DAB2IP: variants seen among roughly 807,000 people sequenced by gnomAD.
The protein encoded by DAB2IP is disabled homolog 2-interacting protein.
A neutral mutation model predicts 107.2 loss-of-function variants in DAB2IP; 28 were observed. The observed-to-expected ratio is 0.26, with a 90% CI of 0.19 to 0.36. The LOEUF is 0.36. Among genes scored for constraint, DAB2IP ranks in the 10% least tolerant of loss-of-function variants. The pLI, the probability that DAB2IP is intolerant of heterozygous loss-of-function variation, is 1.00. For missense variants in DAB2IP, 1,400 were observed against 1,644.7 expected (o/e 0.85, Z 2.57); for synonymous variants, 755 against 706.4 (o/e 1.07, Z -1.09).
At chr9:121,678,696 C>T (rs371024306) in exon 2 of DAB2IP, 34 of 1,578,196 alleles carry the variant, frequency 2.2e-5, no homozygotes, top group Middle Eastern at 3.3e-4. Context: ...CAAGAAAGGC[C>T]GGGCTCTCGG....
At chr9:121,758,105 C>T (rs1268551956) in intron 4 of DAB2IP, among the ~76,000 whole-genome samples, 1 of 152,216 alleles carries the variant, frequency 6.6e-6, no homozygotes, top group Non-Finnish European at 1.5e-5. Context: ...TGCTGGTTCA[C>T]AGCAGGGGGT....
rs1250356528 is a variant in DAB2IP, at chr9:121,610,060, G to A, written c.40+42832G>A. On this transcript the variant is annotated intron_variant, in intron 1 of 16. Coordinates refer to the DAB2IP transcript ENST00000259371. ...CTGAGCTACTTGATTTTGTGTATGT[G>A]TGTGTGTGTGTGTGTGTGTATAAGA... 4.7e-5 allele frequency among the ~76,000 whole-genome samples: 7 copies of A among 148,536 alleles called. No individual in the cohort carries two copies. The East Asian group carries it at 1.4e-3, about 29-fold the overall frequency.
Position 121,567,115 on chromosome 9 carries a change from A to G in DAB2IP, c.-74A>G, listed in dbSNP as rs1829820199. The G allele has an allele frequency of 3.8e-6, 6 of 1,594,930 alleles. No homozygotes were observed. The Admixed American group carries it at 1.0e-4, about 28-fold the overall frequency. ...AAGCCGCCAGATGGAATACAAAAGG[A>G]GGAACCCAGACGCTCATGGAGACAG... On this transcript the variant is annotated 5_prime_UTR_variant, in exon 1 of 17. Transcript: ENST00000259371.
rs758625862 is a variant in DAB2IP, at chr9:121,758,989, C to T, written c.608C>T (p.Pro203Leu). The T allele has an allele frequency of 3.9e-5, 63 of 1,611,882 alleles. No individual in the cohort carries two copies. The highest frequency in any genetic ancestry group is 5.2e-5 in the Non-Finnish European group (61 of 1,179,456). Reference sequence around the variant, plus strand: ...GAGAACCTCCGGCGAGCGGTGCATCCCAACAAGGTAAGCCTGCGCCCCTCT... The same window carrying T: ...GAGAACCTCCGGCGAGCGGTGCATCTCAACAAGGTAAGCCTGCGCCCCTCT... The change falls in exon 5 of 16, where the codon CCC becomes CTC. Residue 203 changes from proline (P) to leucine (L), a missense_variant. This residue lies in a region of DAB2IP where 517 missense variants were observed against 748.6 expected (regional missense o/e 0.69). Transcript: ENST00000408936.
rs893664115 is a variant in DAB2IP, at chr9:121,774,160, T to C, written c.2968-100T>C. Reference sequence around the variant, plus strand: ...CTGGAGGTCCCCTCTTCCCACCGTGTCCCAGAGTTGCTTGTCCTTGTGGCT... The same window carrying C: ...CTGGAGGTCCCCTCTTCCCACCGTGCCCCAGAGTTGCTTGTCCTTGTGGCT... On this transcript the variant is annotated intron_variant, in intron 12 of 15. Coordinates refer to ENST00000408936, the Ensembl canonical transcript of DAB2IP. The C allele has an allele frequency of 5.3e-6, 7 of 1,326,472 alleles. No individual in the cohort carries two copies. The African/African-American group carries it at 1.1e-4, about 20-fold the overall frequency. The allele number at this position is 1,326,472 out of a possible 1,614,324, so 82.2% of individuals were successfully genotyped here. A position where few individuals can be genotyped will look rare whatever the true frequency, so the allele number is the denominator to read the frequency against.
intron 1 of DAB2IP, among the ~76,000 whole-genome samples, chr9:121,578,187 G>T (rs1830108396): frequency 6.6e-6 from 1 of 152,054 alleles, no homozygotes. Flanking sequence ...CAGCAGGGAG[G>T]GGATGGGTAG....
chr9:121,726,242 A>G (rs1743231615), intron 3 of DAB2IP, among the ~76,000 whole-genome samples: 2 of 152,228 alleles, frequency 1.3e-5, no homozygotes, highest in African/African-American at 4.8e-5. Flanking sequence ...AAGCTTTTAT[A>G]AAAACCCAAA....
chr9:121,698,953 C>T lies in DAB2IP; in HGVS notation c.229-372C>T, dbSNP rs1196532257. Among the ~76,000 whole-genome samples the T allele has an allele frequency of 6.6e-6, 1 of 151,770 alleles. No individual in the cohort carries two copies. Among genetic ancestry groups the T allele is most frequent in the Non-Finnish European group, 1.5e-5 (1 of 67,834 alleles). On this transcript the variant is annotated intron_variant, in intron 2 of 15. Coordinates refer to ENST00000408936, the Ensembl canonical transcript of DAB2IP. This position sits in a 1 kb window ranked among gnomAD's most constrained non-coding sequence, Gnocchi z 4.1. ...CGGGGCGGCCGGCCCTGGCGGTCCCCGGGGGTCTCCGCCCCTCCGCAGCCC... is the reference window on the plus strand; with the variant it reads ...CGGGGCGGCCGGCCCTGGCGGTCCCTGGGGGTCTCCGCCCCTCCGCAGCCC...
At chr9:121,692,127 G>A (rs946646917) in intron 2 of DAB2IP, among the ~76,000 whole-genome samples, 1 of 152,230 alleles carries the variant, frequency 6.6e-6, no homozygotes, top group Non-Finnish European at 1.5e-5. Context: ...TCCTGGTTGT[G>A]AATGTGAGCA....
In DAB2IP at chr9:121,634,265, T is replaced by C. The variant is rs1485869741; in HGVS notation, c.41-44413T>C. ...TGACAACATGGGAATCCTGTGCTTT[T>C]AAGACAGGAGTAGGGCCAGAAAGAG... On this transcript the variant is annotated intron_variant, in intron 1 of 16. Transcript: ENST00000259371. The surrounding 1 kb of genome is among the most constrained non-coding windows in gnomAD (Gnocchi z 4.7). 1.3e-5 allele frequency among the ~76,000 whole-genome samples: 2 copies of C among 152,220 alleles called. No homozygotes were observed. The highest frequency in any genetic ancestry group is 4.8e-5 in the African/African-American group (2 of 41,442).
chr9:121,577,303 G>T (rs1423203824), intron 1 of DAB2IP, among the ~76,000 whole-genome samples: 1 of 152,194 alleles, frequency 6.6e-6, no homozygotes, highest in Non-Finnish European at 1.5e-5. Flanking sequence ...GGTGGAGTGG[G>T]GGTGGATTTC....
chr9:121,677,010 C>T (rs2119131862), intron 1 of DAB2IP, among the ~76,000 whole-genome samples: 1 of 152,352 alleles, frequency 6.6e-6, no homozygotes, highest in African/African-American at 2.4e-5. Context: ...AGTCAGAATA[C>T]TTCATATTTT....
At chr9:121,621,443 C>T (rs1361684312) in intron 1 of DAB2IP, among the ~76,000 whole-genome samples, 1 of 152,118 alleles carries the variant, frequency 6.6e-6, no homozygotes, top group Non-Finnish European at 1.5e-5. Flanking sequence ...CAACCCACTC[C>T]ATGGCCTCTA....
rs1829033507 is a variant in DAB2IP, at chr9:121,689,117, AC to A, written c.229-10205del. ...AGACCAGCATGGTCAACATGGTGAA[AC>A]CCTGTCTCTATTAAAAACACAAAAA... On this transcript the variant is annotated intron_variant, in intron 2 of 15. Transcript: ENST00000408936. Among the ~76,000 whole-genome samples, 4 of 152,066 alleles carry A rather than the reference AC, an allele frequency of 2.6e-5. No individual in the cohort carries two copies. The South Asian group carries it at 8.3e-4, about 32-fold the overall frequency.
chr9:121,742,757 G>A (rs576179466), intron 3 of DAB2IP: 11 of 985,422 alleles, frequency 1.1e-5, no homozygotes, highest in South Asian at 4.7e-5. Flanking sequence ...CTGACTGCCC[G>A]CTTTTCTCTG....
At chr9:121,570,707 C>T (rs557390113) in intron 1 of DAB2IP, among the ~76,000 whole-genome samples, 1 of 152,010 alleles carries the variant, frequency 6.6e-6, no homozygotes, top group African/African-American at 2.4e-5. Flanking sequence ...ACCACCATGC[C>T]TGGCTAATTT....
chr9:121,723,315 G>A lies in DAB2IP; in HGVS notation c.362+23857G>A, dbSNP rs562984314. On this transcript the variant is annotated intron_variant, in intron 3 of 15. Coordinates refer to ENST00000408936, the Ensembl canonical transcript of DAB2IP. Reference sequence around the variant, plus strand: ...CAGGGCTCCCCCAAGGGATCCTCGGGATTGAGTTATTTCTGTTTTTGCTCA... The same window carrying A: ...CAGGGCTCCCCCAAGGGATCCTCGGAATTGAGTTATTTCTGTTTTTGCTCA... 3.4e-4 allele frequency among the ~76,000 whole-genome samples: 52 copies of A among 152,342 alleles called. No homozygotes were observed. The South Asian group carries it at 4.6e-3, about 13-fold the overall frequency.
At chr9:121,783,456 T>C (rs1175693776) in exon 16 of DAB2IP, 1 of 1,612,928 alleles carries the variant, frequency 6.2e-7, no homozygotes, top group African/African-American at 1.3e-5. Flanking sequence ...ATCCTTCCTC[T>C]GAGTGATGGT....
At chr9:121,641,935 T>TTCTTTCTC (rs1554718106) in intron 1 of DAB2IP, among the ~76,000 whole-genome samples, 69 of 113,698 alleles carry the variant, frequency 6.1e-4, no homozygotes, top group Non-Finnish European at 8.5e-4. Context: ...CTTTCTTTCT[T>TTCTTTCTC]TCTCTCTTTC....
Sources: allele counts gnomAD v4.1 joint callset (sites outside exome capture counted in the v4.1 genomes callset), GRCh38; gene constraint gnomAD v4.1.1; regional missense constraint gnomAD v4.1.1; non-coding constraint Gnocchi (gnomAD v3.1); transcripts MANE v1.5; gene names NCBI Gene and HGNC (gene_info 2026-07-23, HGNC 2026-07-21).